Variants in SLC38A10 observed in about 807,000 individuals in gnomAD.
The protein encoded by SLC38A10 is Sodium-coupled neutral amino acid transporter 10.
Under a neutral mutation model 81.0 loss-of-function variants are expected in SLC38A10, and 53 were observed. The ratio of observed to expected loss-of-function variants is 0.65; its 90% CI spans 0.53 to 0.82. The LOEUF (loss-of-function observed/expected upper bound fraction) is 0.82, where lower values mean the gene tolerates loss of function less well. Among genes scored for constraint, SLC38A10 ranks in the 40% least tolerant of loss-of-function variants. SLC38A10 has a pLI of 0.00. For synonymous variants in SLC38A10, 665 were observed against 655.3 expected (o/e 1.01, Z -0.23); for missense variants, 1,471 against 1,545.0 (o/e 0.95, Z 0.80).
intron 13 of SLC38A10, chr17:81,251,929 G>GT: frequency 1.8e-6 from 1 of 550,078 alleles, no homozygotes; most frequent in Admixed American, 3.7e-5. Flanking sequence ...GCCGCCCCCC[G>GT]TGTGCGCCCA....
At position 81,252,686 on chromosome 17, in the gene SLC38A10, G is replaced by A. The variant is rs765477200; in HGVS notation, c.1457-3C>T. 1.8e-5 allele frequency: 28 copies of A among 1,594,330 alleles called. No individual in the cohort carries two copies. Among genetic ancestry groups the A allele is most frequent in the Middle Eastern group, 1.7e-4 (1 of 6,014 alleles). On this transcript the variant is annotated splice_polypyrimidine_tract_variant and splice_region_variant and intron_variant, in intron 12 of 15. Transcript: ENST00000374759. ...CTCGCCCACAGGCACAGCAATCCCT[G>A]CAAGGGCACGGGGGACAGATGGGGT...
chr17:81,277,010 A>T lies in SLC38A10; in HGVS notation c.729+21T>A, dbSNP rs774592760. Reference sequence around the variant, plus strand: ...ATGCTGGCATGACACAGGGGCGGAGAGGGCGTGGCAAGGCTCTTACCATGA... The same window carrying T: ...ATGCTGGCATGACACAGGGGCGGAGTGGGCGTGGCAAGGCTCTTACCATGA... On this transcript the variant is annotated intron_variant, in intron 7 of 15. Transcript: ENST00000374759. The surrounding 1 kb of genome is among the most constrained non-coding windows in gnomAD (Gnocchi z 4.5). 6.2e-7 allele frequency: 1 copy of T among 1,608,226 alleles called. No homozygotes were observed. Among genetic ancestry groups the T allele is most frequent in the Non-Finnish European group, 8.5e-7 (1 of 1,174,844 alleles).
At chr17:81,282,584 C>G (rs111775073) in intron 4 of SLC38A10, among the ~76,000 whole-genome samples, 1 of 152,242 alleles carries the variant, frequency 6.6e-6, no homozygotes, top group African/African-American at 2.4e-5. Flanking sequence ...CCAGCCAGAG[C>G]AGGACAGCAG....
At chr17:81,267,087 TAACACA>T (rs1232276377) in intron 10 of SLC38A10, among the ~76,000 whole-genome samples, 1 of 144,736 alleles carries the variant, frequency 6.9e-6, no homozygotes. Flanking sequence ...AACATGCAAC[TAACACA>T]GTACGGAAGG....
intron 10 of SLC38A10, among the ~76,000 whole-genome samples, chr17:81,267,932 AG>A (rs1316870522): frequency 6.6e-6 from 1 of 151,686 alleles, no homozygotes; most frequent in African/African-American, 2.4e-5. Context: ...GCACACTCAC[AG>A]GGCTGGGCAC....
chr17:81,256,619 C>T (rs903938927), intron 11 of SLC38A10, among the ~76,000 whole-genome samples: 2 of 152,210 alleles, frequency 1.3e-5, no homozygotes, highest in East Asian at 1.9e-4. Flanking sequence ...GGAGGAGGCT[C>T]GGGATCCCAG....
chr17:81,275,832 A>C (rs562587251), intron 8 of SLC38A10, 137 bp downstream of exon 8: 9 of 1,006,144 alleles, frequency 8.9e-6, no homozygotes, highest in African/African-American at 3.3e-5. Flanking sequence ...GGCTCCCCCA[A>C]CTTCCGCCCT....
chr17:81,258,690 T>C (rs962550358), intron 11 of SLC38A10, among the ~76,000 whole-genome samples: 14 of 152,022 alleles, frequency 9.2e-5, no homozygotes, highest in African/African-American at 3.1e-4. Flanking sequence ...GCGCCCAGTC[T>C]AGCCCAGAGG....
chr17:81,263,320 C>G (rs1008277435), intron 10 of SLC38A10: 2 of 152,364 alleles, frequency 1.3e-5, no homozygotes, highest in Non-Finnish European at 2.9e-5. Context: ...CAACCCCGCC[C>G]GCTGCCACGT....
intron 2 of SLC38A10, among the ~76,000 whole-genome samples, chr17:81,287,922 G>A (rs766019930): frequency 9.9e-5 from 15 of 152,220 alleles, no homozygotes; most frequent in Non-Finnish European, 1.9e-4. Flanking sequence ...GGGTCGCCCT[G>A]CAGGCCACAG....
Position 81,286,992 on chromosome 17 carries a change from A to G in SLC38A10, c.218-2097T>C, listed in dbSNP as rs1461650401. Among the ~76,000 whole-genome samples, 2 of 152,220 alleles carry G rather than the reference A, an allele frequency of 1.3e-5. No individual in the cohort carries two copies. Among genetic ancestry groups the G allele is most frequent in the African/African-American group, 2.4e-5 (1 of 41,454 alleles). On this transcript the variant is annotated intron_variant, in intron 2 of 15. Transcript: ENST00000374759. This position sits in a 1 kb window ranked among gnomAD's most constrained non-coding sequence, Gnocchi z 6.0. ...CTGAAGGAGGCTGAATGACTGATGT[A>G]TCTGTGTGTCTTCTGAAGAGGGGAT... is the stretch of plus-strand genomic sequence containing the variant.
rs1326345595 is a variant in SLC38A10, at chr17:81,276,247, GC to G, written c.730-97del. 6 of 1,196,006 alleles carry G rather than the reference GC, an allele frequency of 5.0e-6. No individual in the cohort carries two copies. The highest frequency in any genetic ancestry group is 6.8e-6 in the Non-Finnish European group (6 of 879,540). 74.1% of individuals were successfully genotyped at this position (1,196,006 alleles called of 1,614,324 possible). ...AGGGCATGGGGGGGACCTGTGCCCT[GC>G]CCCCCAGAATGGCCTTCAATCCACT... On this transcript the variant is annotated intron_variant, in intron 7 of 15. Transcript: ENST00000374759. This position sits in a 1 kb window ranked among gnomAD's most constrained non-coding sequence, Gnocchi z 4.7.
At position 81,289,727 on chromosome 17, in the gene SLC38A10, C is replaced by A; in HGVS notation, c.181G>T (p.Ala61Ser). Residue 61 changes from alanine to serine, a missense_variant, in exon 2 of 16, where the codon GCC (alanine) becomes TCC (serine). Physicochemically the swap from Ala to Ser is moderately conservative, Grantham distance 99 (BLOSUM62 1). Transcript: ENST00000374759. This position sits in a 1 kb window ranked among gnomAD's most constrained non-coding sequence, Gnocchi z 5.9. ...HQSCMFLVKS[A>S]SLSKRRTYAG... ...TAGGTCCTCCGCTTGCTCAGGCTGGCCGACTTCACCAAGAACATGCACGAC... is the reference window on the plus strand; with the variant it reads ...TAGGTCCTCCGCTTGCTCAGGCTGGACGACTTCACCAAGAACATGCACGAC... The A allele has an allele frequency of 6.2e-7, 1 of 1,611,510 alleles. No individual in the cohort carries two copies. The highest frequency in any genetic ancestry group is 8.5e-7 in the Non-Finnish European group (1 of 1,179,750).
intron 11 of SLC38A10, among the ~76,000 whole-genome samples, chr17:81,256,949 C>T (rs997306733): frequency 6.6e-6 from 1 of 152,242 alleles, no homozygotes; most frequent in Non-Finnish European, 1.5e-5. Context: ...ACTGCTTTTG[C>T]CTCCGCCGTG....
intron 10 of SLC38A10, among the ~76,000 whole-genome samples, chr17:81,266,105 C>T (rs1035472949): frequency 3.9e-5 from 6 of 152,192 alleles, no homozygotes; most frequent in African/African-American, 7.2e-5. Context: ...GTCAGTGACG[C>T]GCCAGCCACT....
At position 81,246,294 on chromosome 17, in the gene SLC38A10, G is replaced by T. The variant is rs772038893; in HGVS notation, c.2622C>A (p.Leu874=). 1 of 1,611,680 alleles carries T rather than the reference G, an allele frequency of 6.2e-7. No homozygotes were observed. Among genetic ancestry groups the T allele is most frequent in the African/African-American group, 1.3e-5 (1 of 74,934 alleles). ...AREAGGPEER[L]AEEFPGQSQD... Reference sequence around the variant, plus strand: ...GACTTTGCCCAGGGAATTCCTCTGCGAGGCGCTCCTCTGGGCCCCCGGCTT... The same window carrying T: ...GACTTTGCCCAGGGAATTCCTCTGCTAGGCGCTCCTCTGGGCCCCCGGCTT... The change falls in exon 16 of 16, where the codon CTC becomes CTA. Residue 874 remains leucine (L), a synonymous_variant. Coordinates refer to ENST00000374759, the MANE Select transcript of SLC38A10 (RefSeq NM_001037984.3).
chr17:81,293,099 G>C (rs2063322936), intron 1 of SLC38A10, among the ~76,000 whole-genome samples: 1 of 152,240 alleles, frequency 6.6e-6, no homozygotes, highest in Non-Finnish European at 1.5e-5. Flanking sequence ...GGAGGCAGAG[G>C]TTGCAGTGAG....
Position 81,253,366 on chromosome 17 carries a change from C to A in SLC38A10, c.1289-126G>T. The A allele has an allele frequency of 1.7e-6, 2 of 1,150,066 alleles. No individual in the cohort carries two copies. The highest frequency in any genetic ancestry group is 2.4e-6 in the Non-Finnish European group (2 of 832,190). The allele number at this position is 1,150,066 out of a possible 1,614,324, so 71.2% of individuals were successfully genotyped here. On this transcript the variant is annotated intron_variant, in intron 11 of 15. Transcript: ENST00000374759. The surrounding 1 kb of genome is among the most constrained non-coding windows in gnomAD (Gnocchi z 4.1). Reference sequence around the variant, plus strand: ...GTCAAAGCAGTTTCTTTTTCCTGTTCGATCATTAGCAGCTAAGTAGCACAG... The same window carrying A: ...GTCAAAGCAGTTTCTTTTTCCTGTTAGATCATTAGCAGCTAAGTAGCACAG...
rs1381057864 is a variant in SLC38A10, at chr17:81,289,209, T to G, written c.217+482A>C. ...ATGCCTGCCACCATGTCTGGCTAATTTTTTGTATTTCTGGTAGAGATGGGG... is the reference window on the plus strand; with the variant it reads ...ATGCCTGCCACCATGTCTGGCTAATGTTTTGTATTTCTGGTAGAGATGGGG... On this transcript the variant is annotated intron_variant, in intron 2 of 15. Transcript: ENST00000374759. The surrounding 1 kb of genome is among the most constrained non-coding windows in gnomAD (Gnocchi z 5.9). Among the ~76,000 whole-genome samples the G allele has an allele frequency of 2.0e-5, 3 of 151,906 alleles. No homozygotes were observed. The highest frequency in any genetic ancestry group is 7.3e-5 in the African/African-American group (3 of 41,316).
Sources: gnomAD v4.1 joint callset for allele counts (sites outside exome capture counted in the v4.1 genomes callset) on GRCh38, gnomAD v4.1.1 for gene constraint, Gnocchi (gnomAD v3.1) non-coding constraint, MANE v1.5 for transcripts, NCBI Gene and HGNC (gene_info 2026-07-23, HGNC 2026-07-21) for gene names.